Variants in GABRA2 observed in about 807,000 individuals in gnomAD.
The protein encoded by GABRA2 is gamma-aminobutyric acid type A receptor subunit alpha2.
Under a neutral mutation model 48.7 loss-of-function variants are expected in GABRA2, and 16 were observed. That is an observed-to-expected ratio of 0.33 (90% confidence interval 0.22 to 0.50). The LOEUF is 0.50. Among genes scored for constraint, GABRA2 ranks in the 20% least tolerant of loss-of-function variants. The pLI is 0.98. For synonymous variants in GABRA2, 185 were observed against 184.5 expected, an observed-to-expected ratio of 1.00 and a Z score of -0.02; for missense variants, 275 against 535.6, an observed-to-expected ratio of 0.51 and a Z score of 4.80.
chr4:46,363,564 A>G (rs1225728399), intron 3 of GABRA2, among the ~76,000 whole-genome samples: 1 of 152,200 alleles, frequency 6.6e-6, no homozygotes, highest in African/African-American at 2.4e-5. Flanking sequence ...TTTAGTTTAA[A>G]GAACAATTTT....
intron 9 of GABRA2, among the ~76,000 whole-genome samples, chr4:46,254,247 C>G: frequency 6.6e-6 from 1 of 151,404 alleles, no homozygotes; most frequent in East Asian, 2.0e-4. Context: ...TCCAGCCACA[C>G]CATCAGCAGG....
At chr4:46,382,894 G>C (rs1039864781) in intron 3 of GABRA2, among the ~76,000 whole-genome samples, 1 of 152,072 alleles carries the variant, frequency 6.6e-6, no homozygotes, top group African/African-American at 2.4e-5. Flanking sequence ...TAGCAATTGA[G>C]ACTAATTAAA....
chr4:46,330,483 T>C (rs1295238903), intron 4 of GABRA2, among the ~76,000 whole-genome samples: 1 of 151,544 alleles, frequency 6.6e-6, no homozygotes, highest in African/African-American at 2.4e-5. Flanking sequence ...ACAAGTATGA[T>C]GTGAATTTGT....
rs77458182 is a variant in GABRA2 at position 46,306,900 on chromosome 4, A to C, written c.560-1189T>G. The stretch of plus-strand genomic sequence containing the variant: ...ACCATCAGTAACAATAGAGTAAATG[A>C]TTATGAGTTTGTGTTTTCTAATGAC... On this transcript the variant is annotated intron_variant, in intron 6 of 9. Transcript: ENST00000381620. 2.3e-3 allele frequency among the ~76,000 whole-genome samples: 345 copies of C among 152,236 alleles called. 5 individuals carry two copies. The highest frequency in any genetic ancestry group is 7.5e-3 in the African/African-American group (312 of 41,554).
intron 8 of GABRA2, among the ~76,000 whole-genome samples, chr4:46,264,344 T>C (rs774832961): frequency 3.9e-5 from 6 of 152,128 alleles, no homozygotes; most frequent in Non-Finnish European, 7.4e-5. Context: ...AGCTAGAACC[T>C]GTAGTATAAC....
intron 9 of GABRA2, among the ~76,000 whole-genome samples, chr4:46,254,829 C>T (rs1042252074): frequency 6.6e-6 from 1 of 151,654 alleles, no homozygotes; most frequent in East Asian, 1.9e-4. Flanking sequence ...TCCAGAAGTG[C>T]ACTCAGCTTC....
chr4:46,339,716 A>C (rs1732888852), intron 3 of GABRA2, among the ~76,000 whole-genome samples: 1 of 151,844 alleles, frequency 6.6e-6, no homozygotes, highest in African/African-American at 2.4e-5. Flanking sequence ...CTCCAACCTT[A>C]CTGGTTACTT....
chr4:46,293,358 T>A (rs1348242347), intron 8 of GABRA2, among the ~76,000 whole-genome samples: 1 of 152,086 alleles, frequency 6.6e-6, no homozygotes, highest in Non-Finnish European at 1.5e-5. Context: ...CTCCCATTCT[T>A]CCCCAAGGAG....
At chr4:46,332,527 T>G in intron 4 of GABRA2, 88 bp downstream of exon 4, 1 of 774,292 alleles carries the variant, frequency 1.3e-6, no homozygotes, top group Non-Finnish European at 2.3e-6. Flanking sequence ...TATACATAAT[T>G]CTATAACACT....
chr4:46,335,465 ACT>A (rs1732058841), intron 3 of GABRA2, among the ~76,000 whole-genome samples: 1 of 151,488 alleles, frequency 6.6e-6, no homozygotes, highest in African/African-American at 2.4e-5. Context: ...AGTCTTGATC[ACT>A]CTTTTTTTGT....
intron 3 of GABRA2, among the ~76,000 whole-genome samples, chr4:46,355,297 C>A (rs751949264): frequency 1.2e-4 from 18 of 152,158 alleles, no homozygotes; most frequent in Non-Finnish European, 2.1e-4. Flanking sequence ...AGACTCTTTG[C>A]ATTTCAATGC....
At chr4:46,297,408 C>T (rs539733610) in intron 8 of GABRA2, among the ~76,000 whole-genome samples, 1 of 144,462 alleles carries the variant, frequency 6.9e-6, no homozygotes, top group East Asian at 2.1e-4. Flanking sequence ...TCTCCTTGCT[C>T]CTCAGCTTGC....
chr4:46,275,890 G>T (rs954096538), intron 8 of GABRA2, among the ~76,000 whole-genome samples: 3 of 151,982 alleles, frequency 2.0e-5, no homozygotes, highest in African/African-American at 4.8e-5. Context: ...TGAAAATAAA[G>T]GATAGCTTTT....
intron 8 of GABRA2, among the ~76,000 whole-genome samples, chr4:46,288,565 A>C (rs1033424976): frequency 6.6e-6 from 1 of 152,200 alleles, no homozygotes; most frequent in Non-Finnish European, 1.5e-5. Flanking sequence ...AAATTAACTC[A>C]AGATGGATCA....
rs140914236 is a variant in GABRA2 at position 46,289,187 on chromosome 4, G to A, written c.856+14273C>T. Among the ~76,000 whole-genome samples the A allele has an allele frequency of 5.6e-3, 830 of 148,632 alleles. 5 individuals carry two copies. The highest frequency in any genetic ancestry group is 8.4e-3 in the Admixed American group (128 of 15,170). ...TAAAAATAGAAATACCATTTGTCCCGTAAGCTCATTACTGGGTATATACCC... is the reference window on the plus strand; with the variant it reads ...TAAAAATAGAAATACCATTTGTCCCATAAGCTCATTACTGGGTATATACCC... On this transcript the variant is annotated intron_variant, in intron 8 of 9. Transcript: ENST00000381620.
At chr4:46,331,169 G>A (rs1731288279) in intron 4 of GABRA2, among the ~76,000 whole-genome samples, 1 of 152,154 alleles carries the variant, frequency 6.6e-6, no homozygotes, top group East Asian at 1.9e-4. Context: ...TTGTGCCTAA[G>A]ACCCAGAGTT....
At chr4:46,269,489 G>T (rs1718875176) in intron 8 of GABRA2, among the ~76,000 whole-genome samples, 1 of 151,670 alleles carries the variant, frequency 6.6e-6, no homozygotes, top group African/African-American at 2.4e-5. Flanking sequence ...ATATCACAAA[G>T]GATAAAGTAG....
intron 3 of GABRA2, among the ~76,000 whole-genome samples, chr4:46,346,789 G>A (rs1734211597): frequency 6.6e-6 from 1 of 151,348 alleles, no homozygotes; most frequent in Non-Finnish European, 1.5e-5. Context: ...GTCCTAACCA[G>A]AGCAATTAAG....
At chr4:46,300,500 C>T (rs1486709424) in intron 8 of GABRA2, among the ~76,000 whole-genome samples, 2 of 151,882 alleles carry the variant, frequency 1.3e-5, no homozygotes, top group African/African-American at 2.4e-5. Context: ...AAGTTCTAGA[C>T]TTATAAGTTC....
Sources: allele counts gnomAD v4.1 joint callset (sites outside exome capture counted in the v4.1 genomes callset), GRCh38; gene constraint gnomAD v4.1.1; transcripts MANE v1.5; gene names NCBI Gene and HGNC (gene_info 2026-07-23, HGNC 2026-07-21).